Variants in GLIS3 observed in about 807,000 individuals in gnomAD.
GLIS3 encodes zinc finger protein GLIS3.
A neutral mutation model predicts 78.6 loss-of-function variants in GLIS3; 53 were observed. That is an observed-to-expected ratio of 0.67 (90% CI 0.54 to 0.85). The LOEUF (loss-of-function observed/expected upper bound fraction) is 0.85. Ranked by LOEUF, GLIS3 falls within the 40% of genes least tolerant of loss-of-function variation. The pLI, the probability that GLIS3 is intolerant of heterozygous loss-of-function variation, is 0.00. For synonymous variants in GLIS3, 684 were observed against 509.9 expected, an observed-to-expected ratio of 1.34 and a Z score of -4.60; for missense variants, 1,703 against 1,231.1, an observed-to-expected ratio of 1.38 and a Z score of -5.74.
At chr9:3,988,028 T>G (rs1819914964) in intron 4 of GLIS3, among the ~76,000 whole-genome samples, 1 of 152,016 alleles carries the variant, frequency 6.6e-6, no homozygotes, top group African/African-American at 2.4e-5. Flanking sequence ...GTCTACAACT[T>G]GATGATTTGG....
chr9:4,307,344 T>C (rs577646139), intron 4 of GLIS3, among the ~76,000 whole-genome samples: 1 of 152,314 alleles, frequency 6.6e-6, no homozygotes, highest in East Asian at 1.9e-4. Context: ...GTATAAATTA[T>C]ACATGTAATG....
the GLIS3 span, among the ~76,000 whole-genome samples, chr9:4,363,460 C>G: frequency 6.6e-6 from 1 of 152,126 alleles, no homozygotes; most frequent in Non-Finnish European, 1.5e-5. Context: ...CACCAAAAAT[C>G]TGGGAATCAT....
At chr9:4,144,442 G>C in intron 2 of GLIS3, among the ~76,000 whole-genome samples, 1 of 152,142 alleles carries the variant, frequency 6.6e-6, no homozygotes, top group East Asian at 1.9e-4. Context: ...CAGGTTTCTC[G>C]TTTCTGTGTC....
At position 4,118,157 on chromosome 9, in the gene GLIS3, C is replaced by A. The variant is rs778176935; in HGVS notation, c.1321G>T (p.Val441Leu). The A allele has an allele frequency of 1.3e-6, 2 of 1,561,008 alleles. No homozygotes were observed. The highest frequency in any genetic ancestry group is 2.3e-5 in the East Asian group (1 of 44,120). Residue 441 changes from valine to leucine, a missense_variant, in exon 4 of 11, where the codon GTA becomes TTA. Physicochemically the swap from Val to Leu is conservative, Grantham distance 32. Transcript: ENST00000381971. This position sits in a 1 kb window ranked among gnomAD's most constrained non-coding sequence, Gnocchi z 4.7. ...AGCGGAGGCGCGGGGGGTAGGTCTA[C>A]GGTGCTGCCCGGGAACTCCTCCAGG... ...ERLEEFPGST[V>L]DLPPAPPLPP... is the part of the protein sequence containing the mutation.
intron 4 of GLIS3, among the ~76,000 whole-genome samples, chr9:4,308,450 AGAG>A (rs1359265286): frequency 3.9e-5 from 6 of 152,058 alleles, no homozygotes; most frequent in Admixed American, 1.3e-4. Flanking sequence ...GTGGCAACGA[AGAG>A]GAGAAGGGAG....
the GLIS3 span, among the ~76,000 whole-genome samples, chr9:4,406,560 A>C: frequency 3.9e-5 from 6 of 152,214 alleles, no homozygotes; most frequent in Non-Finnish European, 8.8e-5. Flanking sequence ...AAAACACTAA[A>C]GAGGCCATCA....
chr9:4,314,554 T>C (rs975701438), intron 2 of GLIS3, among the ~76,000 whole-genome samples: 2 of 152,224 alleles, frequency 1.3e-5, no homozygotes, highest in African/African-American at 4.8e-5. Flanking sequence ...AAGTAAGGGA[T>C]CTTCTGTCAC....
chr9:3,877,530 TTC>T (rs1243505441), intron 8 of GLIS3, among the ~76,000 whole-genome samples: 2 of 152,238 alleles, frequency 1.3e-5, no homozygotes, highest in African/African-American at 4.8e-5. Context: ...CAGTTTATTA[TTC>T]TGTCTTCTTC....
chr9:4,253,089 G>T (rs942179593), intron 2 of GLIS3, among the ~76,000 whole-genome samples: 2 of 152,250 alleles, frequency 1.3e-5, no homozygotes, highest in African/African-American at 4.8e-5. Flanking sequence ...AGGCACAGGG[G>T]TCAGGGACCC....
chr9:4,066,053 AAG>A (rs1827072561), intron 4 of GLIS3, among the ~76,000 whole-genome samples: 2 of 151,816 alleles, frequency 1.3e-5, no homozygotes, highest in Admixed American at 1.3e-4. Flanking sequence ...AAAAAAAAAA[AAG>A]AAACAGGCGA....
the GLIS3 span, among the ~76,000 whole-genome samples, chr9:4,362,350 C>T: frequency 6.6e-6 from 1 of 152,102 alleles, no homozygotes; most frequent in Non-Finnish European, 1.5e-5. Context: ...GGCTTGTGCA[C>T]AACTGGAAAT....
intron 2 of GLIS3, among the ~76,000 whole-genome samples, chr9:4,313,996 G>T (rs1203138370): frequency 1.3e-5 from 2 of 152,190 alleles, no homozygotes; most frequent in African/African-American, 4.8e-5. Flanking sequence ...AGGTAGTTGA[G>T]AGATGGCGTT....
intron 4 of GLIS3, among the ~76,000 whole-genome samples, chr9:3,949,808 G>C (rs1032196199): frequency 1.3e-5 from 2 of 152,228 alleles, no homozygotes; most frequent in African/African-American, 2.4e-5. Flanking sequence ...AAAATGCCTC[G>C]AGAAAGAGAA....
chr9:4,435,551 C>A, the GLIS3 span, among the ~76,000 whole-genome samples: 1 of 152,174 alleles, frequency 6.6e-6, no homozygotes, highest in Non-Finnish European at 1.5e-5. Context: ...AATTTTGTAC[C>A]ATCCTGGATC....
At chr9:4,019,353 G>T (rs1482939083) in intron 4 of GLIS3, among the ~76,000 whole-genome samples, 1 of 152,120 alleles carries the variant, frequency 6.6e-6, no homozygotes, top group African/African-American at 2.4e-5. Context: ...TACAGAGGTA[G>T]GAATAGACAC....
intron 6 of GLIS3, among the ~76,000 whole-genome samples, chr9:3,901,506 A>G (rs1823298769): frequency 6.6e-6 from 1 of 152,252 alleles, no homozygotes; most frequent in Non-Finnish European, 1.5e-5. Context: ...CATTACCAGC[A>G]CACCACTGGC....
upstream of GLIS3, among the ~76,000 whole-genome samples, chr9:4,300,141 G>A (rs1242430591): frequency 6.6e-6 from 1 of 151,734 alleles, no homozygotes; most frequent in Non-Finnish European, 1.5e-5. Flanking sequence ...GGAAGAGTGG[G>A]GGCGGGCTCG....
chr9:3,861,327 T>C (rs907405294), intron 8 of GLIS3, among the ~76,000 whole-genome samples: 24 of 152,134 alleles, frequency 1.6e-4, no homozygotes, highest in African/African-American at 5.6e-4. Flanking sequence ...GTAAATTAGT[T>C]ACACAATTGT....
At chr9:4,151,621 C>G (rs1834687479) in intron 2 of GLIS3, among the ~76,000 whole-genome samples, 1 of 152,108 alleles carries the variant, frequency 6.6e-6, no homozygotes, top group South Asian at 2.1e-4. Flanking sequence ...AACAATTGTC[C>G]AGTTCACAGT....
Sources: allele counts gnomAD v4.1 joint callset (sites outside exome capture counted in the v4.1 genomes callset), GRCh38; gene constraint gnomAD v4.1.1; non-coding constraint Gnocchi (gnomAD v3.1); transcripts MANE v1.5; gene names NCBI Gene and HGNC (gene_info 2026-07-23, HGNC 2026-07-21).